The following OR1L6 variants were observed in gnomAD, a reference collection of about 807,000 sequenced individuals.
OR1L6 encodes olfactory receptor family 1 subfamily L member 6.
In OR1L6, 2 loss-of-function variants were observed where a neutral mutation model predicts 3.0. The ratio of observed to expected loss-of-function variants is 0.68; its 90% CI spans 0.28 to 2.13. The LOEUF is 2.13. Ranked by LOEUF, OR1L6 falls within the 30% of genes most tolerant of loss-of-function variation. The pLI, the probability that OR1L6 is intolerant of heterozygous loss-of-function variation, is 0.14. For synonymous variants in OR1L6, 121 were observed against 148.4 expected (o/e 0.82, Z 1.34); for missense variants, 304 against 378.4 (o/e 0.80, Z 1.63).
rs977301150 is a variant in OR1L6, at chr9:122,750,515, T to C, written c.668T>C (p.Met223Thr). Residue 223 changes from methionine (M) to threonine (T), a missense_variant, in exon 2 of 2, where the codon ATG (methionine) becomes ACG (threonine). Around this residue, in one of 3 missense-constraint regions of OR1L6, gnomAD observed 21 missense variants for 47.9 expected, o/e 0.44. Coordinates refer to ENST00000304720, the MANE Select transcript of OR1L6 (RefSeq NM_001004453.3). ...ATCATCTTCTCCTACCTGCGAATCATGGTCACTGTGCTCAGAATCCCCTCT... is the reference window on the plus strand; with the variant it reads ...ATCATCTTCTCCTACCTGCGAATCACGGTCACTGTGCTCAGAATCCCCTCT... ...LCIIFSYLRI[M>T]VTVLRIPSAA... 1.1e-6 allele frequency: 1 copy of C among 880,626 alleles called. No homozygotes were observed. The highest frequency in any genetic ancestry group is 2.4e-5 in the Admixed American group (1 of 41,458). 54.6% of individuals were successfully genotyped at this position (880,626 alleles called of 1,614,324 possible). A position where few individuals can be genotyped will look rare whatever the true frequency, so the allele number is the denominator to read the frequency against.
intron 1 of OR1L6, among the ~76,000 whole-genome samples, chr9:122,746,646 A>T (rs1010937294): frequency 6.6e-6 from 1 of 152,196 alleles, no homozygotes; most frequent in African/African-American, 2.4e-5. Context: ...TTGGACAAAG[A>T]AGTGCAGATT....
rs530304473 is a variant in OR1L6, at chr9:122,750,613, A to G, written c.766A>G (p.Ile256Val). Reference protein sequence around the residue: ...LTAVALFYGSIIYVYFRPLSM... With the variant: ...LTAVALFYGSVIYVYFRPLSM... Reference sequence around the variant, plus strand: ...TGCAGTAGCCCTTTTCTATGGGAGTATTATTTATGTCTATTTTAGGCCCCT... The same window carrying G: ...TGCAGTAGCCCTTTTCTATGGGAGTGTTATTTATGTCTATTTTAGGCCCCT... Residue 256 changes from isoleucine (I) to valine (V), a missense_variant, in exon 2 of 2, where the codon ATT (isoleucine) becomes GTT (valine). Physicochemically the swap from Ile to Val is conservative, Grantham distance 29. This residue lies in a region of OR1L6 where 91 missense variants were observed against 87.8 expected (regional missense o/e 1.04). Coordinates refer to ENST00000304720, the MANE Select transcript of OR1L6 (RefSeq NM_001004453.3). 7.4e-5 allele frequency: 120 copies of G among 1,614,128 alleles called. No homozygotes were observed. In the Admixed American group the frequency reaches 9.8e-4, roughly 13 times the overall value.
Position 122,750,461 on chromosome 9 carries a change from T to G in OR1L6, c.614T>G (p.Leu205Ter). Residue 205 changes from leucine (L) to a stop codon, truncating the protein, a stop_gained, in exon 2 of 2, where the codon TTA (leucine) becomes TGA (stop). Coordinates refer to ENST00000304720, the MANE Select transcript of OR1L6 (RefSeq NM_001004453.3). LOFTEE classifies it high-confidence loss of function. Reference sequence around the variant, plus strand: ...CAGATGGTGGTGATGACTGAGACCTTAGCTGTCATTGTGACCCCCTTCCTG... The same window carrying G: ...CAGATGGTGGTGATGACTGAGACCTGAGCTGTCATTGTGACCCCCTTCCTG... Reference protein sequence around the residue: ...SSQMVVMTETLAVIVTPFLCI... With the variant: ...SSQMVVMTET 6.5e-7 allele frequency: 1 copy of G among 1,529,652 alleles called. No individual in the cohort carries two copies. Among genetic ancestry groups the G allele is most frequent in the Non-Finnish European group, 9.0e-7 (1 of 1,112,822 alleles). The allele number at this position is 1,529,652 out of a possible 1,614,324, so 94.8% of individuals were successfully genotyped here. A position where few individuals can be genotyped will look rare whatever the true frequency, so the allele number is the denominator to read the frequency against.
At position 122,750,744 on chromosome 9, in the gene OR1L6, G is replaced by C. The variant is rs545553940; in HGVS notation, c.897G>C (p.Lys299Asn). Residue 299 changes from lysine to asparagine, a missense_variant, in exon 2 of 2, where the codon AAG becomes AAC. Transcript: ENST00000304720. ...ACAGCCTGAGGAACAAAGATATGAAGAGGGGTTTGAAGAAATTACAGGACA... is the reference window on the plus strand; with the variant it reads ...ACAGCCTGAGGAACAAAGATATGAACAGGGGTTTGAAGAAATTACAGGACA... ...FIYSLRNKDMKRGLKKLQDRI... is the reference protein window; with the variant it reads ...FIYSLRNKDMNRGLKKLQDRI... 6.2e-7 allele frequency: 1 copy of C among 1,611,344 alleles called. No homozygotes were observed. Among genetic ancestry groups the C allele is most frequent in the Non-Finnish European group, 8.5e-7 (1 of 1,179,344 alleles).
intron 1 of OR1L6, 123 bp from the exon 2 acceptor site, chr9:122,749,712 A>G (rs184509332): frequency 0.016 from 14,736 of 911,692 alleles, 149 homozygotes; most frequent in Non-Finnish European, 0.021. Flanking sequence ...CGTCTCAAAG[A>G]AAAAAAAAAC....
intron 1 of OR1L6, among the ~76,000 whole-genome samples, chr9:122,745,580 G>T (rs1828829113): frequency 3.3e-5 from 5 of 151,412 alleles, no homozygotes; most frequent in Admixed American, 3.3e-4. Flanking sequence ...GCCCAGCTAA[G>T]TTTTTGTATT....
chr9:122,744,573 A>G (rs1828817250), intron 1 of OR1L6, among the ~76,000 whole-genome samples: 1 of 152,264 alleles, frequency 6.6e-6, no homozygotes, highest in African/African-American at 2.4e-5. Flanking sequence ...CAAGGAAGGG[A>G]GTAAATACCT....
In OR1L6 at chr9:122,742,331, G is replaced by C. The variant is rs1268234110; in HGVS notation, c.-56G>C. ...TGATCTTAACCCCATGGCAGATCCC[G>C]AAGTCTTTTTAGGCCCCTGAATCTC... On this transcript the variant is annotated 5_prime_UTR_variant, in exon 1 of 2. Transcript: ENST00000304720. 3.3e-5 allele frequency: 5 copies of C among 152,142 alleles called. No homozygotes were observed. Among genetic ancestry groups the C allele is most frequent in the Non-Finnish European group, 7.4e-5 (5 of 68,020 alleles). The allele number at this position is 152,142 out of a possible 1,614,324, so 9.4% of individuals were successfully genotyped here.
At chr9:122,745,468 A>G (rs928379950) in intron 1 of OR1L6, among the ~76,000 whole-genome samples, 2 of 120,956 alleles carry the variant, frequency 1.7e-5, no homozygotes, top group African/African-American at 6.5e-5. Flanking sequence ...ACTGGAGTGC[A>G]GTGGCGTGAT....
rs759474844 is a variant in OR1L6 at position 122,750,028 on chromosome 9, T to G, written c.181T>G (p.Tyr61Asp). Reference protein sequence around the residue: ...YSDPRLHTPMYFFLSNLSFMD... With the variant: ...YSDPRLHTPMDFFLSNLSFMD... ...TGACCCCAGGCTCCACACCCCTATG[T>G]ACTTTTTTCTCAGCAACTTGTCTTT... Residue 61 changes from tyrosine to aspartate, a missense_variant, in exon 2 of 2, where the codon TAC becomes GAC. Physicochemically the swap from Tyr to Asp is radical, Grantham distance 160 (BLOSUM62 -3). This residue lies in a region of OR1L6 where 192 missense variants were observed against 242.7 expected (regional missense o/e 0.79). Coordinates refer to ENST00000304720, the MANE Select transcript of OR1L6 (RefSeq NM_001004453.3). 2.5e-6 allele frequency: 4 copies of G among 1,614,064 alleles called. No homozygotes were observed. Among genetic ancestry groups the G allele is most frequent in the Non-Finnish European group, 2.5e-6 (3 of 1,180,042 alleles).
chr9:122,743,715 T>C (rs1828809819), intron 1 of OR1L6, among the ~76,000 whole-genome samples: 1 of 152,190 alleles, frequency 6.6e-6, no homozygotes, highest in South Asian at 2.1e-4. Flanking sequence ...GACAAAGCTG[T>C]AGTCCTAAGT....
chr9:122,749,087 C>A (rs982833732), intron 1 of OR1L6, among the ~76,000 whole-genome samples: 4 of 152,172 alleles, frequency 2.6e-5, no homozygotes, highest in Non-Finnish European at 4.4e-5. Flanking sequence ...TGATTTATTT[C>A]TTTCTGTATT....
chr9:122,750,715 A>G lies in OR1L6; in HGVS notation c.868A>G (p.Ile290Val). ...TVVTPMLNPF[I>V]YSLRNKDMKR... ...AGTGACACCCATGCTGAACCCTTTC[A>G]TCTACAGCCTGAGGAACAAAGATAT... The change falls in exon 2 of 2, where the codon ATC (isoleucine) becomes GTC (valine). Residue 290 changes from isoleucine to valine, a missense_variant. Around this residue, in one of 3 missense-constraint regions of OR1L6, gnomAD observed 91 missense variants for 87.8 expected, o/e 1.04. Transcript: ENST00000304720. The G allele has an allele frequency of 6.2e-7, 1 of 1,613,430 alleles. No homozygotes were observed. The highest frequency in any genetic ancestry group is 8.5e-7 in the Non-Finnish European group (1 of 1,179,994).
chr9:122,748,933 TTGTG>T (rs149721479), intron 1 of OR1L6, among the ~76,000 whole-genome samples: 124 of 150,518 alleles, frequency 8.2e-4, no homozygotes, highest in Non-Finnish European at 1.6e-3. Context: ...CAGTATTCCA[TTGTG>T]TGTGTGTGTG....
intron 1 of OR1L6, among the ~76,000 whole-genome samples, chr9:122,746,642 AAAG>A (rs1423520901): frequency 6.6e-6 from 1 of 152,334 alleles, no homozygotes; most frequent in East Asian, 1.9e-4. Flanking sequence ...ATTATTGGAC[AAAG>A]AAGTGCAGAT....
chr9:122,746,138 T>C (rs1003763277), intron 1 of OR1L6, among the ~76,000 whole-genome samples: 2 of 152,222 alleles, frequency 1.3e-5, no homozygotes, highest in African/African-American at 4.8e-5. Context: ...TACCTTGTTT[T>C]TGTCACATAA....
At chr9:122,744,663 G>A (rs1828817680) in intron 1 of OR1L6, among the ~76,000 whole-genome samples, 1 of 152,116 alleles carries the variant, frequency 6.6e-6, no homozygotes, top group Non-Finnish European at 1.5e-5. Flanking sequence ...CCACCTGATG[G>A]CAAGACCCAT....
Position 122,749,898 on chromosome 9 carries a change from C to G in OR1L6, c.51C>G (p.Gly17=), listed in dbSNP as rs768807615. The G allele has an allele frequency of 6.2e-7, 1 of 1,614,034 alleles. No individual in the cohort carries two copies. The highest frequency in any genetic ancestry group is 1.7e-5 in the Admixed American group (1 of 59,994). Residue 17 remains glycine (G), a synonymous_variant, in exon 2 of 2, where the codon GGC becomes GGG. Coordinates refer to ENST00000304720, the MANE Select transcript of OR1L6 (RefSeq NM_001004453.3). The part of the protein sequence containing the change: ...SSSTSGFILL[G]LSSNPQLQKP... ...GCACCTCAGGCTTCATCCTCCTGGG[C>G]CTCTCTTCCAACCCTCAGCTGCAGA...
chr9:122,742,871 C>T (rs1004072820), intron 1 of OR1L6, among the ~76,000 whole-genome samples: 1 of 152,250 alleles, frequency 6.6e-6, no homozygotes, highest in African/African-American at 2.4e-5. Context: ...CAAACTTCCA[C>T]TCGTGATGTG....
Sources: gnomAD v4.1 joint callset for allele counts (sites outside exome capture counted in the v4.1 genomes callset) on GRCh38, gnomAD v4.1.1 for gene constraint, gnomAD v4.1.1 regional missense constraint, MANE v1.5 for transcripts, NCBI Gene and HGNC (gene_info 2026-07-23, HGNC 2026-07-21) for gene names.